Variants in ZSWIM6 observed in about 807,000 individuals in gnomAD.
The protein encoded by ZSWIM6 is zinc finger SWIM domain-containing protein 6.
In ZSWIM6, 9 loss-of-function variants were observed where a neutral mutation model predicts 113.2. The observed-to-expected ratio is 0.08, with a 90% CI of 0.05 to 0.14. The LOEUF (loss-of-function observed/expected upper bound fraction) is 0.14. ZSWIM6 is among the 10% of genes least tolerant of loss of function. The probability of loss-of-function intolerance (pLI) is 1.00; values close to 1 mark genes in which losing one functional copy is unlikely to be tolerated. For synonymous variants in ZSWIM6, 611 were observed against 606.5 expected, an observed-to-expected ratio of 1.01 and a Z score of -0.11; for missense variants, 1,162 against 1,552.2, an observed-to-expected ratio of 0.75 and a Z score of 4.22.
chr5:61,433,808 T>C (rs555871108), intron 1 of ZSWIM6, among the ~76,000 whole-genome samples: 28 of 152,014 alleles, frequency 1.8e-4, no homozygotes, highest in African/African-American at 6.7e-4. Context: ...CATTTAATTA[T>C]GTAAATATAA....
chr5:61,368,193 A>G (rs920619097), intron 1 of ZSWIM6, among the ~76,000 whole-genome samples: 1 of 151,812 alleles, frequency 6.6e-6, no homozygotes, highest in Non-Finnish European at 1.5e-5. Flanking sequence ...TCATGTTTAA[A>G]TAGCCCAGTG....
chr5:61,346,671 T>C (rs1413465786), intron 1 of ZSWIM6, among the ~76,000 whole-genome samples: 3 of 152,332 alleles, frequency 2.0e-5, no homozygotes, highest in South Asian at 2.1e-4. Flanking sequence ...TAGTGCTGTT[T>C]AGAGTTTTTA....
At chr5:61,473,437 A>T (rs1395291493) in intron 2 of ZSWIM6, among the ~76,000 whole-genome samples, 1 of 152,186 alleles carries the variant, frequency 6.6e-6, no homozygotes, top group Non-Finnish European at 1.5e-5. Flanking sequence ...CGGTTGCCTC[A>T]TATTAGGAAA....
At chr5:61,401,985 A>G (rs1291018981) in intron 1 of ZSWIM6, among the ~76,000 whole-genome samples, 2 of 150,228 alleles carry the variant, frequency 1.3e-5, no homozygotes, top group Admixed American at 6.6e-5. Flanking sequence ...AGCAGCATCC[A>G]CACTGATACC....
chr5:61,364,502 G>A (rs901282384), intron 1 of ZSWIM6, among the ~76,000 whole-genome samples: 1 of 152,122 alleles, frequency 6.6e-6, no homozygotes, highest in Admixed American at 6.5e-5. Flanking sequence ...TCAAATTTCA[G>A]AGTCTATAAA....
chr5:61,404,152 C>T (rs1195982528), intron 1 of ZSWIM6, among the ~76,000 whole-genome samples: 7 of 152,136 alleles, frequency 4.6e-5, no homozygotes, highest in Admixed American at 6.5e-5. Context: ...GGACTACAGG[C>T]GCCTGCCACC....
intron 2 of ZSWIM6, among the ~76,000 whole-genome samples, chr5:61,486,930 GT>G (rs1211010495): frequency 6.6e-6 from 1 of 151,930 alleles, no homozygotes; most frequent in Admixed American, 6.6e-5. Flanking sequence ...AAGCTTTTTA[GT>G]TTAATTAAGT....
rs1745727467 is a variant in ZSWIM6 at position 61,392,001 on chromosome 5, T to C, written c.676+59053T>C. ...TTTTGTGTATATTTTCCTTCAAGAT[T>C]GTATTTCCCTCATAGATTGACATGC... On this transcript the variant is annotated intron_variant, in intron 1 of 13. Transcript: ENST00000252744. The C allele has an allele frequency of 1.5e-5, 6 of 410,606 alleles. No individual in the cohort carries two copies. In the South Asian group the frequency reaches 2.0e-4, roughly 14 times the overall value. The allele number at this position is 410,606 out of a possible 1,614,324, so 25.4% of individuals were successfully genotyped here.
intron 1 of ZSWIM6, among the ~76,000 whole-genome samples, chr5:61,430,070 G>C (rs1335079631): frequency 6.6e-6 from 1 of 152,142 alleles, no homozygotes; most frequent in Non-Finnish European, 1.5e-5. Context: ...AGGAGAATGA[G>C]GCCTGAAAGG....
intron 10 of ZSWIM6, among the ~76,000 whole-genome samples, chr5:61,536,255 T>C (rs754997402): frequency 4.6e-5 from 7 of 152,244 alleles, no homozygotes. Context: ...ACCCACCTTT[T>C]TATTTCTACC....
chr5:61,540,964 G>A (rs1316149508), intron 12 of ZSWIM6, among the ~76,000 whole-genome samples: 1 of 125,438 alleles, frequency 8.0e-6, no homozygotes, highest in African/African-American at 3.2e-5. Flanking sequence ...TGTTTTTTCA[G>A]ATGGAGTCTC....
chr5:61,539,824 G>T, intron 12 of ZSWIM6, 65 bp downstream of exon 12: 1 of 1,458,168 alleles, frequency 6.9e-7, no homozygotes, highest in Non-Finnish European at 9.1e-7. Flanking sequence ...TCTTAGGGTT[G>T]TTTTTGTTTG....
intron 1 of ZSWIM6, among the ~76,000 whole-genome samples, chr5:61,452,017 T>C (rs1049709164): frequency 6.6e-6 from 1 of 152,132 alleles, no homozygotes; most frequent in Non-Finnish European, 1.5e-5. Flanking sequence ...ACCTTAACAA[T>C]GTAAGGTTAC....
intron 1 of ZSWIM6, chr5:61,390,830 G>A (rs947146607): frequency 3.7e-6 from 3 of 809,692 alleles, no homozygotes; most frequent in Non-Finnish European, 4.4e-6. Flanking sequence ...GCACTGGCAA[G>A]GACTTGTGAA....
chr5:61,423,013 T>G (rs1046969775), intron 1 of ZSWIM6, among the ~76,000 whole-genome samples: 3 of 152,214 alleles, frequency 2.0e-5, no homozygotes, highest in Non-Finnish European at 2.9e-5. Flanking sequence ...ATTTGACTTC[T>G]TCCTTTCCAC....
At chr5:61,443,735 G>C (rs1361689607) in intron 1 of ZSWIM6, among the ~76,000 whole-genome samples, 1 of 152,018 alleles carries the variant, frequency 6.6e-6, no homozygotes, top group East Asian at 1.9e-4. Flanking sequence ...GACAGCATGA[G>C]GCCAACCACA....
chr5:61,364,381 A>G (rs973024965), intron 1 of ZSWIM6, among the ~76,000 whole-genome samples: 10 of 152,272 alleles, frequency 6.6e-5, no homozygotes, highest in Admixed American at 3.3e-4. Flanking sequence ...CTGGCCTGCC[A>G]CCTGTTTTTG....
At chr5:61,491,191 TACAATAATA>T (rs1157127612) in intron 3 of ZSWIM6, among the ~76,000 whole-genome samples, 6 of 152,050 alleles carry the variant, frequency 3.9e-5, no homozygotes, top group African/African-American at 1.4e-4. Context: ...AAAAACCTCT[TACAATAATA>T]AAAGCAAAAT....
At chr5:61,377,556 A>G (rs1428460362) in intron 1 of ZSWIM6, among the ~76,000 whole-genome samples, 1 of 152,122 alleles carries the variant, frequency 6.6e-6, no homozygotes. Context: ...CGTCTCTACT[A>G]AAAACAAAAA....
Sources: gnomAD v4.1 joint callset for allele counts (sites outside exome capture counted in the v4.1 genomes callset) on GRCh38, gnomAD v4.1.1 for gene constraint, MANE v1.5 for transcripts, NCBI Gene and HGNC (gene_info 2026-07-23, HGNC 2026-07-21) for gene names.